The following DYNC1I2 variants were observed in gnomAD, a reference collection of about 807,000 sequenced individuals.
DYNC1I2 encodes dynein cytoplasmic 1 intermediate chain 2.
DYNC1I2 carries 53 observed loss-of-function variants against 88.6 expected under a neutral mutation model. The observed-to-expected ratio is 0.60, with a 90% CI of 0.48 to 0.75. The LOEUF (loss-of-function observed/expected upper bound fraction) is 0.75. Among genes scored for constraint, DYNC1I2 ranks in the 30% least tolerant of loss-of-function variants. DYNC1I2 has a pLI of 0.00. For synonymous variants in DYNC1I2, 198 were observed against 254.6 expected, an observed-to-expected ratio of 0.78 and a Z score of 2.12; for missense variants, 458 against 766.6, an observed-to-expected ratio of 0.60 and a Z score of 4.75.
intron 3 of DYNC1I2, among the ~76,000 whole-genome samples, chr2:171,693,405 T>G (rs1240307451): frequency 6.6e-6 from 1 of 152,248 alleles, no homozygotes; most frequent in African/African-American, 2.4e-5. Context: ...TGACTTAATC[T>G]TATTATTTTT....
intron 7 of DYNC1I2, among the ~76,000 whole-genome samples, chr2:171,719,228 T>G (rs1271146009): frequency 6.6e-6 from 1 of 152,148 alleles, no homozygotes; most frequent in East Asian, 1.9e-4. Context: ...TTGGAAATAT[T>G]TATAAAAATG....
chr2:171,723,155 A>G (rs1166556767), intron 7 of DYNC1I2, among the ~76,000 whole-genome samples: 3 of 152,222 alleles, frequency 2.0e-5, no homozygotes, highest in African/African-American at 4.8e-5. Context: ...GACCATATGC[A>G]TTATGACAGG....
At chr2:171,718,554 C>T (rs1191612775) in intron 7 of DYNC1I2, among the ~76,000 whole-genome samples, 1 of 152,150 alleles carries the variant, frequency 6.6e-6, no homozygotes, top group African/African-American at 2.4e-5. Context: ...CTGCCTCAGC[C>T]TCCCGAGTAG....
intron 7 of DYNC1I2, among the ~76,000 whole-genome samples, chr2:171,724,443 A>G (rs1022472121): frequency 6.6e-6 from 1 of 152,158 alleles, no homozygotes; most frequent in Non-Finnish European, 1.5e-5. Flanking sequence ...AGTGAAGCGG[A>G]AGAATGTTAT....
At chr2:171,731,671 C>G (rs150651455) in intron 15 of DYNC1I2, among the ~76,000 whole-genome samples, 1 of 151,700 alleles carries the variant, frequency 6.6e-6, no homozygotes, top group East Asian at 1.9e-4. Flanking sequence ...GAGGATTGCT[C>G]AACTGGCATG....
intron 3 of DYNC1I2, among the ~76,000 whole-genome samples, chr2:171,702,904 G>T (rs1338082667): frequency 6.6e-6 from 1 of 151,954 alleles, no homozygotes. Context: ...TAGAAATGGG[G>T]ACTCACCCAT....
chr2:171,706,296 AT>A (rs1482582069), intron 3 of DYNC1I2, among the ~76,000 whole-genome samples: 2 of 152,150 alleles, frequency 1.3e-5, no homozygotes, highest in African/African-American at 2.4e-5. Flanking sequence ...GATTGGGGAC[AT>A]TTATGATAAA....
At chr2:171,703,649 T>C (rs768802833) in intron 3 of DYNC1I2, among the ~76,000 whole-genome samples, 5 of 152,112 alleles carry the variant, frequency 3.3e-5, no homozygotes, top group Non-Finnish European at 5.9e-5. Context: ...TTAAACCTCA[T>C]TATGAAGAGA....
At chr2:171,698,844 G>A (rs1685986546) in intron 3 of DYNC1I2, among the ~76,000 whole-genome samples, 1 of 152,014 alleles carries the variant, frequency 6.6e-6, no homozygotes, top group Non-Finnish European at 1.5e-5. Flanking sequence ...ACTCCAGCCT[G>A]AGTGACAGAG....
chr2:171,730,200 A>G (rs908093033), intron 15 of DYNC1I2, among the ~76,000 whole-genome samples: 5 of 152,180 alleles, frequency 3.3e-5, no homozygotes, highest in African/African-American at 9.7e-5. Flanking sequence ...AAAGCTATGC[A>G]TTTGCTCTTT....
chr2:171,694,263 CTGACCTCA>C (rs947961978), intron 3 of DYNC1I2, among the ~76,000 whole-genome samples: 1 of 152,098 alleles, frequency 6.6e-6, no homozygotes, highest in African/African-American at 2.4e-5. Flanking sequence ...TCTCGAACTC[CTGACCTCA>C]TGATCCACCC....
At chr2:171,698,856 G>A (rs1454950956) in intron 3 of DYNC1I2, among the ~76,000 whole-genome samples, 4 of 152,032 alleles carry the variant, frequency 2.6e-5, no homozygotes, top group East Asian at 1.9e-4. Flanking sequence ...GTGACAGAGC[G>A]AGACTCTGTC....
chr2:171,688,720 GTTTA>G (rs1685160208), intron 1 of DYNC1I2: 1 of 152,162 alleles, frequency 6.6e-6, no homozygotes, highest in Admixed American at 6.5e-5. Flanking sequence ...TCTTAATGGA[GTTTA>G]GTAGCTGAAA....
intron 15 of DYNC1I2, among the ~76,000 whole-genome samples, chr2:171,739,793 T>C (rs1464812765): frequency 1.4e-5 from 2 of 147,128 alleles, no homozygotes; most frequent in African/African-American, 5.0e-5. Flanking sequence ...GCAACCTCTG[T>C]CTCCTGGGTT....
At chr2:171,721,053 G>A (rs1403677643) in intron 7 of DYNC1I2, among the ~76,000 whole-genome samples, 1 of 143,640 alleles carries the variant, frequency 7.0e-6, no homozygotes, top group Non-Finnish European at 1.5e-5. Flanking sequence ...TCAGGAGGCT[G>A]AGACAGGAGG....
chr2:171,728,042 CAG>C, intron 12 of DYNC1I2, 75 bp downstream of exon 12: 1 of 1,465,392 alleles, frequency 6.8e-7, no homozygotes, highest in Non-Finnish European at 9.1e-7. Context: ...TAGTGGCCAT[CAG>C]AGTCATCTCA....
At chr2:171,728,547 TTAATA>T (rs1204493157) in intron 13 of DYNC1I2, 129 bp downstream of exon 13, 7 of 801,662 alleles carry the variant, frequency 8.7e-6, no homozygotes, top group African/African-American at 5.3e-5. Context: ...TGAAACGTGT[TTAATA>T]TAAGTTTGTT....
chr2:171,726,138 A>T lies in DYNC1I2; in HGVS notation c.771-56A>T, dbSNP rs910306765. 3.2e-6 allele frequency: 5 copies of T among 1,571,922 alleles called. No individual in the cohort carries two copies. The South Asian group carries it at 5.9e-5, about 19-fold the overall frequency. On this transcript the variant is annotated intron_variant, in intron 9 of 17. Coordinates refer to ENST00000397119, the MANE Select transcript of DYNC1I2 (RefSeq NM_001378.3). ...AATAATGTTAAATTACTTTAAGATTAAGAGTGATAAAAGTTATAACACCAT... is the reference window on the plus strand; with the variant it reads ...AATAATGTTAAATTACTTTAAGATTTAGAGTGATAAAAGTTATAACACCAT...
Position 171,725,613 on chromosome 2 carries a change from T to TAA in DYNC1I2, c.512-5_512-4insAA. Reference sequence around the variant, plus strand: ...TTTTTTGTTTGTTTTTTTTTTTTTTTTCAGATGAAGAGGAAGATGATGATG... The same window carrying TAA: ...TTTTTTGTTTGTTTTTTTTTTTTTTTAATCAGATGAAGAGGAAGATGATGATG... On this transcript the variant is annotated splice_polypyrimidine_tract_variant and splice_region_variant and intron_variant, in intron 7 of 17. Transcript: ENST00000397119. The TAA allele has an allele frequency of 2.1e-6, 3 of 1,454,386 alleles. No homozygotes were observed. Among genetic ancestry groups the TAA allele is most frequent in the Non-Finnish European group, 2.7e-6 (3 of 1,096,764 alleles). The allele number at this position is 1,454,386 out of a possible 1,614,324, so 90.1% of individuals were successfully genotyped here.
Sources: allele counts gnomAD v4.1 joint callset (sites outside exome capture counted in the v4.1 genomes callset), GRCh38; gene constraint gnomAD v4.1.1; transcripts MANE v1.5; gene names NCBI Gene and HGNC (gene_info 2026-07-23, HGNC 2026-07-21).